The following OPN1SW variants were observed in gnomAD, a reference collection of about 807,000 sequenced individuals.
The protein encoded by OPN1SW is short-wave-sensitive opsin 1.
Under a neutral mutation model 31.9 loss-of-function variants are expected in OPN1SW, and 25 were observed. The observed-to-expected ratio is 0.78, with a 90% CI of 0.57 to 1.09. The LOEUF (loss-of-function observed/expected upper bound fraction) is 1.09, where lower values mean the gene tolerates loss of function less well. Among genes scored for constraint, OPN1SW ranks in the 50% least tolerant of loss-of-function variants. OPN1SW has a pLI of 0.00. For missense variants in OPN1SW, 424 were observed against 448.0 expected, an observed-to-expected ratio of 0.95 and a Z score of 0.48; for synonymous variants, 190 against 171.9, an observed-to-expected ratio of 1.11 and a Z score of -0.82.
At chr7:128,772,738 C>G (rs1370114333) in intron 4 of OPN1SW, 79 bp from the exon 5 acceptor site, 18 of 1,580,010 alleles carry the variant, frequency 1.1e-5, no homozygotes, top group Non-Finnish European at 1.6e-5. Context: ...TCTGTATCAC[C>G]AAAGCCTTGC....
At position 128,774,480 on chromosome 7, in the gene OPN1SW, C is replaced by G. The variant is rs914345194; in HGVS notation, c.678+18G>C. ...GAGCCCCGAACCCCTTCTTCCCTGA[C>G]TATCAAATGCCACTCACAGCTTTCA... On this transcript the variant is annotated intron_variant, in intron 3 of 4. Coordinates refer to ENST00000249389, the MANE Select transcript of OPN1SW (RefSeq NM_001385125.1). The G allele has an allele frequency of 2.5e-6, 4 of 1,613,360 alleles. No individual in the cohort carries two copies. In the African/African-American group the frequency reaches 5.3e-5, roughly 22 times the overall value.
chr7:128,773,542 G>T, intron 4 of OPN1SW, 107 bp downstream of exon 4: 2 of 1,490,844 alleles, frequency 1.3e-6, no homozygotes. Flanking sequence ...GGCTTCCCTC[G>T]TCTACTAGAA....
In OPN1SW at chr7:128,772,513, T is replaced by G. The variant is rs748430460; in HGVS notation, c.*27A>C. The G allele has an allele frequency of 2.5e-6, 4 of 1,613,992 alleles. No homozygotes were observed. The highest frequency in any genetic ancestry group is 3.4e-6 in the Non-Finnish European group (4 of 1,179,848). On this transcript the variant is annotated 3_prime_UTR_variant, in exon 5 of 5. Coordinates refer to ENST00000249389, the MANE Select transcript of OPN1SW (RefSeq NM_001385125.1). ...CTTAAAAGTAAAATTTAATTCTAGC[T>G]GTTGCAAACAGGCCAATATTGGGTC...
At chr7:128,774,726 C>T in intron 2 of OPN1SW, 63 bp from the exon 3 acceptor site, 1 of 1,604,554 alleles carries the variant, frequency 6.2e-7, no homozygotes, top group Non-Finnish European at 8.5e-7. Context: ...AGCTGAGATG[C>T]CTGGATTGTG....
intron 4 of OPN1SW, 40 bp downstream of exon 4, chr7:128,773,608 AG>A: frequency 3.1e-6 from 5 of 1,613,862 alleles, no homozygotes; most frequent in Non-Finnish European, 4.2e-6. Context: ...GAAAAGAACC[AG>A]GGTCTTCTGG....
intron 3 of OPN1SW, 24 bp downstream of exon 3, chr7:128,774,474 C>G: frequency 6.2e-7 from 1 of 1,613,212 alleles, no homozygotes; most frequent in Non-Finnish European, 8.5e-7. Flanking sequence ...ACCCCTTCTT[C>G]CCTGACTATC....
intron 2 of OPN1SW, 85 bp from the exon 3 acceptor site, chr7:128,774,748 G>A: frequency 6.4e-7 from 1 of 1,571,414 alleles, no homozygotes; most frequent in Non-Finnish European, 8.7e-7. Context: ...TCTCCACTTA[G>A]AACCCACGGA....
chr7:128,773,772 G>A lies in OPN1SW; in HGVS notation c.795C>T (p.Phe265=), dbSNP rs1296432717. ...TACGGTTGTTGACCATGTACATGGC[G>A]AAGGCCGCGTAGGGCACGTAGCAGA... ...FCVCYVPYAA[F]AMYMVNNRNH... Residue 265 remains phenylalanine (F), a synonymous_variant, in exon 4 of 5, where the codon TTC becomes TTT. Coordinates refer to ENST00000249389, the MANE Select transcript of OPN1SW (RefSeq NM_001385125.1). 5 of 1,614,140 alleles carry A rather than the reference G, an allele frequency of 3.1e-6. No individual in the cohort carries two copies. The highest frequency in any genetic ancestry group is 2.2e-5 in the East Asian group (1 of 44,874).
Position 128,772,677 on chromosome 7 carries a change from A to G in OPN1SW, c.919-18T>C, listed in dbSNP as rs367791096. On this transcript the variant is annotated intron_variant, in intron 4 of 4. Transcript: ENST00000249389. The stretch of plus-strand genomic sequence containing the variant: ...GCTTGGAACTGGAGAGAAAGGTACA[A>G]TTGGAGATAACCTTGGCAGATGAGG... 1.9e-6 allele frequency: 3 copies of G among 1,613,904 alleles called. No individual in the cohort carries two copies. The African/African-American group carries it at 4.0e-5, about 22-fold the overall frequency.
chr7:128,774,472 T>G, intron 3 of OPN1SW, 26 bp downstream of exon 3: 2 of 1,613,140 alleles, frequency 1.2e-6, no homozygotes, highest in Non-Finnish European at 1.7e-6. Context: ...GAACCCCTTC[T>G]TCCCTGACTA....
intron 3 of OPN1SW, 93 bp downstream of exon 3, chr7:128,774,405 T>C: frequency 1.3e-6 from 2 of 1,520,802 alleles, no homozygotes; most frequent in South Asian, 2.3e-5. Context: ...TCTCTGGCTA[T>C]GGACATTTCC....
At position 128,772,631 on chromosome 7, in the gene OPN1SW, C is replaced by G. The variant is rs1455912387; in HGVS notation, c.947G>C (p.Cys316Ser). 2 of 1,614,002 alleles carry G rather than the reference C, an allele frequency of 1.2e-6. No individual in the cohort carries two copies. The highest frequency in any genetic ancestry group is 1.7e-5 in the Admixed American group (1 of 59,992). Reference sequence around the variant, plus strand: ...GGATTCATCTGTCATGGCCTTCCCACACACCATCTTCATGATGCAAGCTTG... The same window carrying G: ...GGATTCATCTGTCATGGCCTTCCCAGACACCATCTTCATGATGCAAGCTTG... ...QFQACIMKMV[C>S]GKAMTDESDT... The change falls in exon 5 of 5, where the codon TGT becomes TCT. Residue 316 changes from cysteine (C) to serine (S), a missense_variant. Cys to Ser is a moderately radical substitution (Grantham distance 112). Transcript: ENST00000249389.
chr7:128,774,921 C>A (rs1296395403), intron 2 of OPN1SW, 65 bp downstream of exon 2: 1 of 1,600,598 alleles, frequency 6.2e-7, no homozygotes, highest in Non-Finnish European at 8.5e-7. Flanking sequence ...TATACCCAAG[C>A]TCTCTTTCCA....
chr7:128,775,458 G>T lies in OPN1SW; in HGVS notation c.324C>A (p.Gly108=). The T allele has an allele frequency of 6.2e-7, 1 of 1,613,564 alleles. No individual in the cohort carries two copies. The highest frequency in any genetic ancestry group is 1.1e-5 in the South Asian group (1 of 91,074). ...CAGTACCTGCTACAGTGCCCAGGAA[G>T]CCCTCCAAAGCACAAACATGGCGAC... The part of the protein sequence containing the change: ...VFGRHVCALE[G]FLGTVAGLVT... Residue 108 remains glycine (G), a synonymous_variant, in exon 1 of 5, where the codon GGC becomes GGA. Transcript: ENST00000249389.
rs374829961 is a variant in OPN1SW, at chr7:128,773,750, G to T, written c.817C>A (p.Arg273Ser). ...AGCCGTAAGTCCAGCCCATGGTTACGGTTGTTGACCATGTACATGGCGAAG... is the reference window on the plus strand; with the variant it reads ...AGCCGTAAGTCCAGCCCATGGTTACTGTTGTTGACCATGTACATGGCGAAG... ...AAFAMYMVNN[R>S]NHGLDLRLVT... is the part of the protein sequence containing the mutation. Residue 273 changes from arginine to serine, a missense_variant, in exon 4 of 5, where the codon CGT becomes AGT. Arg to Ser is a moderately radical substitution (Grantham distance 110). Transcript: ENST00000249389. The T allele has an allele frequency of 2.6e-5, 42 of 1,614,202 alleles. No individual in the cohort carries two copies. The highest frequency in any genetic ancestry group is 2.5e-4 in the East Asian group (11 of 44,882).
At position 128,775,501 on chromosome 7, in the gene OPN1SW, T is replaced by TTA. The variant is rs770189649; in HGVS notation, c.279_280dup (p.Asn94IlefsTer21). On this transcript the variant is annotated frameshift_variant, in exon 1 of 5. Coordinates refer to ENST00000249389, the MANE Select transcript of OPN1SW (RefSeq NM_001385125.1). LOFTEE classifies it high-confidence loss of function. ...ATGGCGACCGAAGACGAAGTATCCG[T>TTA]TACAGCTGGCGACGAAGACAGGGAA... The TTA allele has an allele frequency of 6.2e-7, 1 of 1,613,790 alleles. No individual in the cohort carries two copies. The highest frequency in any genetic ancestry group is 2.2e-5 in the East Asian group (1 of 44,858).
At chr7:128,774,433 G>A in intron 3 of OPN1SW, 65 bp downstream of exon 3, 1 of 1,595,294 alleles carries the variant, frequency 6.3e-7, no homozygotes, top group African/African-American at 1.3e-5. Context: ...TTATGTTTCA[G>A]AGCACTCTTC....
At position 128,775,114 on chromosome 7, in the gene OPN1SW, C is replaced by G; in HGVS notation, c.384G>C (p.Glu128Asp). 3 of 1,614,192 alleles carry G rather than the reference C, an allele frequency of 1.9e-6. No homozygotes were observed. Among genetic ancestry groups the G allele is most frequent in the Non-Finnish European group, 2.5e-6 (3 of 1,180,032 alleles). ...AGGGCTTACAGATGACAATGTAGCG[C>G]TCAAAGGCCAGGAAGGCCAGTGACC... ...TGWSLAFLAFERYIVICKPFG... is the reference protein window; with the variant it reads ...TGWSLAFLAFDRYIVICKPFG... Residue 128 changes from glutamate (E) to aspartate (D), a missense_variant, in exon 2 of 5, where the codon GAG (glutamate) becomes GAC (aspartate). Glu to Asp is a conservative substitution (Grantham distance 45, BLOSUM62 2). Transcript: ENST00000249389.
chr7:128,773,269 GTTTTTA>G (rs1287616541), intron 4 of OPN1SW, among the ~76,000 whole-genome samples: 2 of 152,232 alleles, frequency 1.3e-5, no homozygotes, highest in Admixed American at 6.5e-5. Flanking sequence ...AGGAATCTGA[GTTTTTA>G]TTTTTATTTT....
Sources: gnomAD v4.1 joint callset for allele counts (sites outside exome capture counted in the v4.1 genomes callset) on GRCh38, gnomAD v4.1.1 for gene constraint, MANE v1.5 for transcripts, NCBI Gene and HGNC (gene_info 2026-07-23, HGNC 2026-07-21) for gene names.